The following CSGALNACT2 variants were observed in gnomAD, a reference collection of about 807,000 sequenced individuals.
CSGALNACT2 encodes chondroitin sulfate N-acetylgalactosaminyltransferase 2.
CSGALNACT2 carries 35 observed loss-of-function variants against 55.3 expected under a neutral mutation model. The ratio of observed to expected loss-of-function variants is 0.63; its 90% CI spans 0.48 to 0.84. CSGALNACT2 has a LOEUF of 0.84. Among genes scored for constraint, CSGALNACT2 ranks in the 40% least tolerant of loss-of-function variants. CSGALNACT2 has a pLI of 0.00. For synonymous variants in CSGALNACT2, 196 were observed against 224.9 expected (o/e 0.87, Z 1.15); for missense variants, 544 against 657.5 (o/e 0.83, Z 1.89).
chr10:43,178,308 A>G (rs1839519462), intron 7 of CSGALNACT2, among the ~76,000 whole-genome samples: 2 of 152,118 alleles, frequency 1.3e-5, no homozygotes, highest in Non-Finnish European at 2.9e-5. Flanking sequence ...TATACTTTAA[A>G]CCATCTCTAG....
chr10:43,183,547 A>G lies in CSGALNACT2; in HGVS notation c.*5A>G. 6.2e-7 allele frequency: 1 copy of G among 1,612,446 alleles called. No individual in the cohort carries two copies. The stretch of plus-strand genomic sequence containing the variant: ...AACAGTGAAGCTGTTGGTTGAAATC[A>G]TAATTAATGCGTTACTGTATGAACC... On this transcript the variant is annotated 3_prime_UTR_variant, in exon 8 of 8. Coordinates refer to ENST00000374466, the MANE Select transcript of CSGALNACT2 (RefSeq NM_018590.5).
intron 6 of CSGALNACT2, among the ~76,000 whole-genome samples, chr10:43,171,519 A>G (rs1029658237): frequency 1.4e-4 from 21 of 151,952 alleles, no homozygotes; most frequent in Non-Finnish European, 5.9e-5. Flanking sequence ...CGCCCAGCTA[A>G]TTTTTGTATT....
At position 43,155,452 on chromosome 10, in the gene CSGALNACT2, T is replaced by C. The variant is rs1838976119; in HGVS notation, c.303T>C (p.Asn101=). 2 of 1,614,100 alleles carry C rather than the reference T, an allele frequency of 1.2e-6. No individual in the cohort carries two copies. Among genetic ancestry groups the C allele is most frequent in the Non-Finnish European group, 8.5e-7 (1 of 1,180,004 alleles). The change falls in exon 2 of 8, where the codon AAT becomes AAC. Residue 101 remains asparagine (N), a synonymous_variant. Coordinates refer to ENST00000374466, the MANE Select transcript of CSGALNACT2 (RefSeq NM_018590.5). ...TGCGGTCACTGCAAGAAAGAAGGAA[T>C]GTAGGGGCTAATGGCATAGGCTATC... The part of the protein sequence containing the change: ...EKMRSLQERR[N]VGANGIGYQS...
chr10:43,152,013 G>A (rs984817918), intron 1 of CSGALNACT2, among the ~76,000 whole-genome samples: 4 of 152,204 alleles, frequency 2.6e-5, no homozygotes, highest in African/African-American at 7.2e-5. Flanking sequence ...AAGGAAGTCA[G>A]TTTTTTAAGC....
rs1346520515 is a variant in CSGALNACT2 at position 43,160,476 on chromosome 10, A to C, written c.879-18A>C. The C allele has an allele frequency of 7.7e-7, 1 of 1,304,710 alleles. No individual in the cohort carries two copies. The highest frequency in any genetic ancestry group is 1.1e-6 in the Non-Finnish European group (1 of 916,054). 80.8% of individuals were successfully genotyped at this position (1,304,710 alleles called of 1,614,324 possible). On this transcript the variant is annotated intron_variant, in intron 3 of 7. Coordinates refer to ENST00000374466, the MANE Select transcript of CSGALNACT2 (RefSeq NM_018590.5). ...CTCATGTTTTCTTGAATAAACTTTTATTTTTCACTTCTGTTAGGGATGTTT... is the reference window on the plus strand; with the variant it reads ...CTCATGTTTTCTTGAATAAACTTTTCTTTTTCACTTCTGTTAGGGATGTTT...
rs763445891 is a variant in CSGALNACT2, at chr10:43,155,402, G to A, written c.253G>A (p.Glu85Lys). The A allele has an allele frequency of 1.9e-6, 3 of 1,614,138 alleles. No homozygotes were observed. The highest frequency in any genetic ancestry group is 2.5e-6 in the Non-Finnish European group (3 of 1,180,024). ...ACGCCAAATTGCCCAACTAAAACAAGAATTACAAGAAATGAGTGAGAAGAT... is the reference window on the plus strand; with the variant it reads ...ACGCCAAATTGCCCAACTAAAACAAAAATTACAAGAAATGAGTGAGAAGAT... ...LKRQIAQLKQ[E>K]LQEMSEKMRS... The change falls in exon 2 of 8, where the codon GAA becomes AAA. Residue 85 changes from glutamate (E) to lysine (K), a missense_variant. By Grantham distance (56) the Glu-to-Lys change is moderately conservative. Coordinates refer to ENST00000374466, the MANE Select transcript of CSGALNACT2 (RefSeq NM_018590.5).
Position 43,160,609 on chromosome 10 carries a change from A to C in CSGALNACT2, c.980+14A>C. ...ATCTGTCACCAGGTTGGTGAACCACATCTGCAGTGAAGGCCTTGATATATA... is the reference window on the plus strand; with the variant it reads ...ATCTGTCACCAGGTTGGTGAACCACCTCTGCAGTGAAGGCCTTGATATATA... On this transcript the variant is annotated intron_variant, in intron 4 of 7. Coordinates refer to ENST00000374466, the MANE Select transcript of CSGALNACT2 (RefSeq NM_018590.5). The C allele has an allele frequency of 8.7e-7, 1 of 1,144,562 alleles. No individual in the cohort carries two copies. Among genetic ancestry groups the C allele is most frequent in the Non-Finnish European group, 1.3e-6 (1 of 753,146 alleles). 70.9% of individuals were successfully genotyped at this position (1,144,562 alleles called of 1,614,324 possible). A position where few individuals can be genotyped will look rare whatever the true frequency, so the allele number is the denominator to read the frequency against.
At chr10:43,152,744 C>T (rs1372424834) in intron 1 of CSGALNACT2, among the ~76,000 whole-genome samples, 1 of 152,090 alleles carries the variant, frequency 6.6e-6, no homozygotes, top group Non-Finnish European at 1.5e-5. Context: ...GTATAACATG[C>T]TTAAGTATGT....
intron 1 of CSGALNACT2, among the ~76,000 whole-genome samples, chr10:43,141,559 G>A (rs145423268): frequency 2.3e-3 from 215 of 92,352 alleles, no homozygotes; most frequent in Non-Finnish European, 3.9e-3. Flanking sequence ...CACACCTGTC[G>A]TCCCAGCTGT....
At chr10:43,141,874 C>A (rs970321824) in intron 1 of CSGALNACT2, among the ~76,000 whole-genome samples, 1 of 152,078 alleles carries the variant, frequency 6.6e-6, no homozygotes, top group Non-Finnish European at 1.5e-5. Context: ...ATCAACCCTT[C>A]CCTCTCTGGT....
At chr10:43,143,493 A>AT (rs144767187) in intron 1 of CSGALNACT2, among the ~76,000 whole-genome samples, 3 of 141,972 alleles carry the variant, frequency 2.1e-5, no homozygotes, top group Middle Eastern at 3.6e-3. Flanking sequence ...CTCTCCAAAA[A>AT]TGTGTGTGTG....
At chr10:43,148,290 C>G (rs1838804291) in intron 1 of CSGALNACT2, among the ~76,000 whole-genome samples, 1 of 152,082 alleles carries the variant, frequency 6.6e-6, no homozygotes, top group Admixed American at 6.6e-5. Context: ...TCTTAATTAC[C>G]TGGGGCTCTG....
Position 43,155,552 on chromosome 10 carries a change from A to G in CSGALNACT2, c.403A>G (p.Ile135Val). ...HSQIDKAEVS[I>V]GAKLPSEYGV... ...CCAAATTGACAAAGCTGAAGTTAGC[A>G]TAGGGGCCAAACTACCCAGTGAGTA... The change falls in exon 2 of 8, where the codon ATA (isoleucine) becomes GTA (valine). Residue 135 changes from isoleucine (I) to valine (V), a missense_variant. Coordinates refer to ENST00000374466, the MANE Select transcript of CSGALNACT2 (RefSeq NM_018590.5). The G allele has an allele frequency of 6.2e-7, 1 of 1,614,256 alleles. No homozygotes were observed. Among genetic ancestry groups the G allele is most frequent in the South Asian group, 1.1e-5 (1 of 91,086 alleles).
chr10:43,182,546 G>A (rs879630114), intron 7 of CSGALNACT2, among the ~76,000 whole-genome samples: 2 of 151,970 alleles, frequency 1.3e-5, no homozygotes, highest in Non-Finnish European at 2.9e-5. Flanking sequence ...TTTCCACTCT[G>A]GGGAGTTTTT....
chr10:43,155,902 C>A, intron 2 of CSGALNACT2, 92 bp downstream of exon 2: 1 of 1,035,230 alleles, frequency 9.7e-7, no homozygotes, highest in Non-Finnish European at 1.4e-6. Context: ...GTACTGTAGA[C>A]AAATGCTAGT....
At chr10:43,171,456 G>A (rs1363642669) in intron 6 of CSGALNACT2, among the ~76,000 whole-genome samples, 1 of 151,512 alleles carries the variant, frequency 6.6e-6, no homozygotes, top group East Asian at 1.9e-4. Flanking sequence ...CGTTTCAAGC[G>A]ATTCTCCTGC....
At chr10:43,165,215 A>C (rs943169967) in intron 5 of CSGALNACT2, among the ~76,000 whole-genome samples, 6 of 152,140 alleles carry the variant, frequency 3.9e-5, no homozygotes, top group Non-Finnish European at 7.4e-5. Context: ...ACAGGGCGAC[A>C]TTCTGTCTCA....
intron 6 of CSGALNACT2, among the ~76,000 whole-genome samples, chr10:43,167,616 G>A (rs1044778232): frequency 6.6e-5 from 10 of 152,128 alleles, no homozygotes; most frequent in African/African-American, 1.7e-4. Flanking sequence ...TAGAGAAGTT[G>A]CAAAGATAGT....
chr10:43,140,427 A>T (rs2133083382), intron 1 of CSGALNACT2, among the ~76,000 whole-genome samples: 1 of 152,336 alleles, frequency 6.6e-6, no homozygotes, highest in South Asian at 2.1e-4. Flanking sequence ...GGTTGGTTTT[A>T]AAAAAGCATA....
Sources: allele counts gnomAD v4.1 joint callset (sites outside exome capture counted in the v4.1 genomes callset), GRCh38; gene constraint gnomAD v4.1.1; transcripts MANE v1.5; gene names NCBI Gene and HGNC (gene_info 2026-07-23, HGNC 2026-07-21).